Variants in GARS1 observed in about 807,000 individuals in gnomAD.
GARS1 encodes the protein glycine--tRNA ligase.
GARS1 carries 46 observed loss-of-function variants against 86.4 expected under a neutral mutation model. That is an observed-to-expected ratio of 0.53 (90% CI 0.42 to 0.68). GARS1 has a LOEUF of 0.68. Ranked by LOEUF, GARS1 falls within the 30% of genes least tolerant of loss-of-function variation. The pLI is 0.00. For missense variants in GARS1, 797 were observed against 915.6 expected (o/e 0.87, Z 1.67); for synonymous variants, 342 against 329.8 (o/e 1.04, Z -0.40).
intron 14 of GARS1, among the ~76,000 whole-genome samples, chr7:30,630,665 A>G (rs1045969113): frequency 6.6e-6 from 1 of 151,810 alleles, no homozygotes; most frequent in Non-Finnish European, 1.5e-5. Context: ...TGCGCCTCAC[A>G]ATGCCCAGCT....
Position 30,632,382 on chromosome 7 carries a change from C to T in GARS1, c.2039C>T (p.Thr680Ile), listed in dbSNP as rs1288829195. ...VTIDFDTVNK[T>I]PHTATLRDRD... ...ATTGACTTTGACACAGTGAACAAGA[C>T]CCCCCACACTGCAACTCTGAGGGAC... The change falls in exon 16 of 17, where the codon ACC becomes ATC. Residue 680 changes from threonine to isoleucine, a missense_variant. This residue lies in a region of GARS1 where 598 missense variants were observed against 738.7 expected (regional missense o/e 0.81). Transcript: ENST00000389266. This position sits in a 1 kb window ranked among gnomAD's most constrained non-coding sequence, Gnocchi z 4.1. 1.2e-6 allele frequency: 2 copies of T among 1,614,012 alleles called. No individual in the cohort carries two copies. Among genetic ancestry groups the T allele is most frequent in the Admixed American group, 3.3e-5 (2 of 60,004 alleles).
rs901778260 is a variant in GARS1 at position 30,617,278 on chromosome 7, C to T, written c.1359C>T (p.Tyr453=). ...GGGATGCAGAATCCAAAACATCCTA[C>T]GTAAGTGGAGTGCTGTTTACCATGT... ...DCWDAESKTS[Y]GWIEIVGCAD... The change falls in exon 10 of 17, where the codon TAC becomes TAT. Residue 453 remains tyrosine (Y), a splice_region_variant and synonymous_variant. Coordinates refer to ENST00000389266, the MANE Select transcript of GARS1 (RefSeq NM_002047.4). 1.8e-5 allele frequency: 29 copies of T among 1,613,604 alleles called. No homozygotes were observed. The highest frequency in any genetic ancestry group is 2.5e-5 in the Non-Finnish European group (29 of 1,179,748).
At position 30,617,201 on chromosome 7, in the gene GARS1, C is replaced by T. The variant is rs951085877; in HGVS notation, c.1282C>T (p.Arg428Cys). 2.5e-6 allele frequency: 4 copies of T among 1,614,006 alleles called. No individual in the cohort carries two copies. The highest frequency in any genetic ancestry group is 1.7e-5 in the Admixed American group (1 of 60,016). The change falls in exon 10 of 17, where the codon CGC (arginine) becomes TGC (cysteine). Residue 428 changes from arginine (R) to cysteine (C), a missense_variant. By Grantham distance (180) the Arg-to-Cys change is radical. Transcript: ENST00000389266. Reference sequence around the variant, plus strand: ...GGTTGGAATATCTCCAGATAAACTCCGCTTCCGGCAGCACATGGAGAATGA... The same window carrying T: ...GGTTGGAATATCTCCAGATAAACTCTGCTTCCGGCAGCACATGGAGAATGA... ...TKVGISPDKL[R>C]FRQHMENEMA...
intron 10 of GARS1, among the ~76,000 whole-genome samples, chr7:30,620,620 T>G: frequency 6.6e-6 from 1 of 152,254 alleles, no homozygotes; most frequent in East Asian, 1.9e-4. Flanking sequence ...TTTTTAAAAG[T>G]ATCTTATGTG....
At chr7:30,606,597 A>T (rs981947408) in intron 6 of GARS1, among the ~76,000 whole-genome samples, 1 of 152,180 alleles carries the variant, frequency 6.6e-6, no homozygotes, top group African/African-American at 2.4e-5. Flanking sequence ...TAAATTGTCC[A>T]GTCTTTGGTG....
intron 7 of GARS1, among the ~76,000 whole-genome samples, chr7:30,610,950 A>G: frequency 6.6e-6 from 1 of 152,230 alleles, no homozygotes; most frequent in Non-Finnish European, 1.5e-5. Flanking sequence ...TTACATTTGG[A>G]TGAAATCTGG....
At chr7:30,618,538 G>A (rs1782933639) in intron 10 of GARS1, among the ~76,000 whole-genome samples, 1 of 152,142 alleles carries the variant, frequency 6.6e-6, no homozygotes, top group African/African-American at 2.4e-5. Flanking sequence ...GGAGGCTGAG[G>A]TGGGAAGATC....
At chr7:30,595,893 A>C (rs1199369376) in intron 1 of GARS1, 1 of 471,092 alleles carries the variant, frequency 2.1e-6, no homozygotes. Context: ...GAAGTCAGCC[A>C]TCCTTAGTAT....
In GARS1 at chr7:30,605,507, T is replaced by C. The variant is rs1024662272; in HGVS notation, c.735+1935T>C. On this transcript the variant is annotated intron_variant, in intron 6 of 16. Transcript: ENST00000389266. ...TCCCCTCTCACTTTCCTGACTTCTT[T>C]CCCCTAATTCTTTGTGTGTGGTAGG... Among the ~76,000 whole-genome samples the C allele has an allele frequency of 9.5e-4, 144 of 152,352 alleles. 2 individuals are homozygous for C. Among genetic ancestry groups the C allele is most frequent in the Non-Finnish European group, 1.9e-4 (13 of 68,030 alleles).
At chr7:30,626,109 T>C (rs1783122042) in intron 12 of GARS1, 125 bp from the exon 13 acceptor site, 2 of 646,156 alleles carry the variant, frequency 3.1e-6, no homozygotes, top group South Asian at 1.7e-5. Flanking sequence ...ACATCACTTA[T>C]TATATCTGGA....
chr7:30,624,645 T>C (rs1432359280), intron 12 of GARS1, among the ~76,000 whole-genome samples: 2 of 152,020 alleles, frequency 1.3e-5, no homozygotes, highest in Non-Finnish European at 2.9e-5. Flanking sequence ...GGGGTGTAAC[T>C]AATAAACCAA....
chr7:30,599,964 C>G lies in GARS1; in HGVS notation c.342C>G (p.Pro114=). 6.2e-7 allele frequency: 1 copy of G among 1,613,618 alleles called. No individual in the cohort carries two copies. The highest frequency in any genetic ancestry group is 8.5e-7 in the Non-Finnish European group (1 of 1,179,666). Residue 114 remains proline (P), a synonymous_variant, in exon 3 of 17, where the codon CCC becomes CCG. Coordinates refer to ENST00000389266, the MANE Select transcript of GARS1 (RefSeq NM_002047.4). ...VLEAKELALQ[P]KDDIVDRAKM... ...TCTAACAGGAGCTGGCGTTACAGCC[C>G]AAAGATGATATTGTAGACCGAGCAA...
chr7:30,598,607 TG>T lies in GARS1; in HGVS notation c.223-188del, dbSNP rs1433724423. Among the ~76,000 whole-genome samples, 5 of 152,260 alleles carry T rather than the reference TG, an allele frequency of 3.3e-5. No individual in the cohort carries two copies. The East Asian group carries it at 9.6e-4, about 29-fold the overall frequency. ...TATCACCATGTTGGCCAGGATGGTC[TG>T]AAACTCCTGATCTCAGATGGTGAGG... On this transcript the variant is annotated intron_variant, in intron 1 of 16. Coordinates refer to ENST00000389266, the MANE Select transcript of GARS1 (RefSeq NM_002047.4).
At chr7:30,625,004 G>A (rs1230579287) in intron 12 of GARS1, among the ~76,000 whole-genome samples, 2 of 151,806 alleles carry the variant, frequency 1.3e-5, no homozygotes, top group East Asian at 1.9e-4. Flanking sequence ...GTGCAGTGGC[G>A]TGATCTCAGC....
intron 8 of GARS1, 30 bp from the exon 9 acceptor site, chr7:30,615,866 C>T: frequency 6.2e-7 from 1 of 1,611,176 alleles, no homozygotes. Flanking sequence ...GTTAAATATG[C>T]AGGTTTATCG....
In GARS1 at chr7:30,616,078, T is replaced by G; in HGVS notation, c.1194+20T>G. 5 of 1,613,828 alleles carry G rather than the reference T, an allele frequency of 3.1e-6. No individual in the cohort carries two copies. The highest frequency in any genetic ancestry group is 3.4e-6 in the Non-Finnish European group (4 of 1,179,804). On this transcript the variant is annotated intron_variant, in intron 9 of 16. Transcript: ENST00000389266. ...GAACAGGTAGGATTCTGGAGGTAACTTAACTTAGATTGTGCCTGTTCAGGG... is the reference window on the plus strand; with the variant it reads ...GAACAGGTAGGATTCTGGAGGTAACGTAACTTAGATTGTGCCTGTTCAGGG...
intron 14 of GARS1, among the ~76,000 whole-genome samples, chr7:30,630,517 C>CTT (rs758530758): frequency 6.9e-5 from 9 of 131,018 alleles, no homozygotes; most frequent in South Asian, 4.8e-4. Flanking sequence ...TTATTTTCGC[C>CTT]TTTTTTTTTT....
At chr7:30,594,772 GGCGGCGACCCGGC>G (rs1392927835), upstream of GARS1, 1 of 654,302 alleles carries the variant, frequency 1.5e-6, no homozygotes, top group Non-Finnish European at 2.6e-6. Flanking sequence ...TCGAATCTGC[GGCGGCGACCCGGC>G]GCCGCGTCAC....
At position 30,622,311 on chromosome 7, in the gene GARS1, T is replaced by A; in HGVS notation, c.1468-6T>A. The A allele has an allele frequency of 1.2e-6, 2 of 1,614,106 alleles. No individual in the cohort carries two copies. Among genetic ancestry groups the A allele is most frequent in the Non-Finnish European group, 1.7e-6 (2 of 1,179,972 alleles). Reference sequence around the variant, plus strand: ...TGTAGTTTTGGATTCCTTGACTACTTCATACAAAACAGTCAATGTTGTTCA... The same window carrying A: ...TGTAGTTTTGGATTCCTTGACTACTACATACAAAACAGTCAATGTTGTTCA... On this transcript the variant is annotated splice_region_variant and splice_polypyrimidine_tract_variant and intron_variant, in intron 11 of 16. Coordinates refer to ENST00000389266, the MANE Select transcript of GARS1 (RefSeq NM_002047.4).
Sources: gnomAD v4.1 joint callset for allele counts (sites outside exome capture counted in the v4.1 genomes callset) on GRCh38, gnomAD v4.1.1 for gene constraint, gnomAD v4.1.1 regional missense constraint, Gnocchi (gnomAD v3.1) non-coding constraint, MANE v1.5 for transcripts, NCBI Gene and HGNC (gene_info 2026-07-23, HGNC 2026-07-21) for gene names.